ALG2: variants seen among roughly 807,000 people sequenced by gnomAD.
The protein encoded by ALG2 is alpha-1,3/1,6-mannosyltransferase ALG2.
A neutral mutation model predicts 30.5 loss-of-function variants in ALG2; 32 were observed. The ratio of observed to expected loss-of-function variants is 1.05; its 90% CI spans 0.79 to 1.41. The LOEUF is 1.41. Ranked by LOEUF, ALG2 falls within the 40% of genes most tolerant of loss-of-function variation. ALG2 has a pLI of 0.00. For synonymous variants in ALG2, 253 were observed against 224.8 expected (o/e 1.13, Z -1.12); for missense variants, 574 against 526.4 (o/e 1.09, Z -0.88).
intron 1 of ALG2, chr9:99,221,234 C>T: frequency 8.2e-7 from 1 of 1,219,764 alleles, no homozygotes. Flanking sequence ...CTAATACCAG[C>T]GTTTCTCAGA....
Position 99,221,916 on chromosome 9 carries a change from C to A in ALG2, c.-22G>T, listed in dbSNP as rs1391151571. The A allele has an allele frequency of 1.9e-6, 3 of 1,571,000 alleles. No individual in the cohort carries two copies. The highest frequency in any genetic ancestry group is 1.7e-5 in the Admixed American group (1 of 57,460). On this transcript the variant is annotated 5_prime_UTR_variant, in exon 1 of 2. Transcript: ENST00000476832. ...CCATGGCCCTGGAGCCGCAACTGCA[C>A]CCCGCACCCTGATGGGGGTCTTCTG...
In ALG2 at chr9:99,217,836, A is replaced by G; in HGVS notation, c.*98T>C. ...AAGACTCAAGTTTATTTTTTAAAAG[A>G]TCTCTTCTGCATTAGATTCTAGGTT... On this transcript the variant is annotated 3_prime_UTR_variant, in exon 2 of 2. Transcript: ENST00000476832. 1 of 1,342,514 alleles carries G rather than the reference A, an allele frequency of 7.4e-7. No homozygotes were observed. Among genetic ancestry groups the G allele is most frequent in the South Asian group, 1.2e-5 (1 of 83,962 alleles). The allele number at this position is 1,342,514 out of a possible 1,614,324, so 83.2% of individuals were successfully genotyped here. A position where few individuals can be genotyped will look rare whatever the true frequency, so the allele number is the denominator to read the frequency against.
At position 99,217,113 on chromosome 9, in the gene ALG2, A is replaced by AGAT; in HGVS notation, c.*818_*820dup. ...AGTGGCATTTGAGCCAGGCCTTGGA[A>AGAT]GATAAAAAACATTTGTGTCCTATAC... is the stretch of plus-strand genomic sequence containing the variant. On this transcript the variant is annotated 3_prime_UTR_variant, in exon 2 of 2. Coordinates refer to ENST00000476832, the MANE Select transcript of ALG2 (RefSeq NM_033087.4). 2 of 454,148 alleles carry AGAT rather than the reference A, an allele frequency of 4.4e-6. No individual in the cohort carries two copies. Among genetic ancestry groups the AGAT allele is most frequent in the Non-Finnish European group, 8.8e-6 (2 of 226,798 alleles). 28.1% of individuals were successfully genotyped at this position (454,148 alleles called of 1,614,324 possible). A position where few individuals can be genotyped will look rare whatever the true frequency, so the allele number is the denominator to read the frequency against.
rs766287162 is a variant in ALG2, at chr9:99,221,889, C to T, written c.6G>A (p.Ala2=). 2.5e-6 allele frequency: 4 copies of T among 1,586,276 alleles called. No homozygotes were observed. Among genetic ancestry groups the T allele is most frequent in the East Asian group, 2.2e-5 (1 of 44,484 alleles). The change falls in exon 1 of 2, where the codon GCG becomes GCA. Residue 2 remains alanine (A), a synonymous_variant. Coordinates refer to ENST00000476832, the MANE Select transcript of ALG2 (RefSeq NM_033087.4). ...AGTCCCGTTCCCGGCCCTGCTCCTC[C>T]GCCATGGCCCTGGAGCCGCAACTGC... M[A]EEQGRERDSV...
chr9:99,218,775 C>A lies in ALG2; in HGVS notation c.410G>T (p.Cys137Phe). The A allele has an allele frequency of 6.2e-7, 1 of 1,613,046 alleles. No homozygotes were observed. Among genetic ancestry groups the A allele is most frequent in the Non-Finnish European group, 8.5e-7 (1 of 1,180,034 alleles). Residue 137 changes from cysteine (C) to phenylalanine (F), a missense_variant, in exon 2 of 2, where the codon TGT becomes TTT. By Grantham distance (205) the Cys-to-Phe change is radical. Coordinates refer to ENST00000476832, the MANE Select transcript of ALG2 (RefSeq NM_033087.4). ...GGTGAGAAGCAGATCTGGGAAGTGA[C>A]AGTAAAATAGGATCTTCTTCCGCCG... ...ARRRKKILFY[C>F]HFPDLLLTKR...
Position 99,221,681 on chromosome 9 carries a change from CG to C in ALG2, c.213del (p.Asp73ThrfsTer40). 6.4e-7 allele frequency: 1 copy of C among 1,567,318 alleles called. No homozygotes were observed. Among genetic ancestry groups the C allele is most frequent in the Non-Finnish European group, 8.6e-7 (1 of 1,162,020 alleles). On this transcript the variant is annotated frameshift_variant, in exon 1 of 2. Transcript: ENST00000476832. LOFTEE classifies it high-confidence loss of function. ...CCCAGGCCTCGCGGCAGCCAGTCCC[CG>C]GCACAGCGCACCGGTAGCTCGCGGC... ...AESRELPVRCAGDWLPRGLGW... is the reference protein window; with the variant it reads ...AESRELPVRCXGDWLPRGLGW...
At chr9:99,221,235 G>T in intron 1 of ALG2, 2 of 1,203,514 alleles carry the variant, frequency 1.7e-6, no homozygotes, top group Non-Finnish European at 2.2e-6. Flanking sequence ...TAATACCAGC[G>T]TTTCTCAGAG....
intron 1 of ALG2, chr9:99,220,903 T>C: frequency 7.7e-7 from 1 of 1,296,844 alleles, no homozygotes; most frequent in Admixed American, 2.1e-5. Flanking sequence ...AAGTCATCTT[T>C]TTTAGGATGG....
rs367616427 is a variant in ALG2, at chr9:99,221,703, G to A, written c.192C>T (p.Arg64=). ...YDPGHCFAES[R]ELPVRCAGDW... ...CCCCGGCACAGCGCACCGGTAGCTC[G>A]CGGCTCTCGGCGAAACAGTGGCCCG... The change falls in exon 1 of 2, where the codon CGC becomes CGT. Residue 64 remains arginine (R), a synonymous_variant. Coordinates refer to ENST00000476832, the MANE Select transcript of ALG2 (RefSeq NM_033087.4). The A allele has an allele frequency of 2.3e-5, 36 of 1,587,782 alleles. No homozygotes were observed. The highest frequency in any genetic ancestry group is 2.8e-5 in the Non-Finnish European group (33 of 1,174,092).
At chr9:99,219,912 A>G (rs1408763531) in intron 1 of ALG2, among the ~76,000 whole-genome samples, 1 of 152,260 alleles carries the variant, frequency 6.6e-6, no homozygotes, top group Non-Finnish European at 1.5e-5. Context: ...TTAAAAAGAA[A>G]GCTTCCATGC....
In ALG2 at chr9:99,221,881, T is replaced by C. The variant is rs1397441505; in HGVS notation, c.14A>G (p.Gln5Arg). The part of the protein sequence containing the change: MAEE[Q>R]GRERDSVPKP... Reference sequence around the variant, plus strand: ...GGGAACCGAGTCCCGTTCCCGGCCCTGCTCCTCCGCCATGGCCCTGGAGCC... The same window carrying C: ...GGGAACCGAGTCCCGTTCCCGGCCCCGCTCCTCCGCCATGGCCCTGGAGCC... Residue 5 changes from glutamine (Q) to arginine (R), a missense_variant, in exon 1 of 2, where the codon CAG (glutamine) becomes CGG (arginine). Transcript: ENST00000476832. 2.5e-6 allele frequency: 4 copies of C among 1,588,776 alleles called. No homozygotes were observed. The highest frequency in any genetic ancestry group is 3.4e-6 in the Non-Finnish European group (4 of 1,175,026).
Position 99,221,929 on chromosome 9 carries a change from T to A in ALG2, c.-35A>T. 1 of 1,549,726 alleles carries A rather than the reference T, an allele frequency of 6.5e-7. No homozygotes were observed. Among genetic ancestry groups the A allele is most frequent in the Non-Finnish European group, 8.7e-7 (1 of 1,152,066 alleles). On this transcript the variant is annotated 5_prime_UTR_variant, in exon 1 of 2. Coordinates refer to ENST00000476832, the MANE Select transcript of ALG2 (RefSeq NM_033087.4). Reference sequence around the variant, plus strand: ...GCCGCAACTGCACCCCGCACCCTGATGGGGGTCTTCTGCGCAAGCTCCGCG... The same window carrying A: ...GCCGCAACTGCACCCCGCACCCTGAAGGGGGTCTTCTGCGCAAGCTCCGCG...
rs370004704 is a variant in ALG2, at chr9:99,218,071, C to T, written c.1114G>A (p.Ala372Thr). The change falls in exon 2 of 2, where the codon GCA (alanine) becomes ACA (threonine). Residue 372 changes from alanine to threonine, a missense_variant. Physicochemically the swap from Ala to Thr is moderately conservative, Grantham distance 58. Transcript: ENST00000476832. ...CEPDPVHFSE[A>T]IEKFIREPSL... ...GGTTCACGGATGAACTTTTCTATTG[C>T]TTCTGAGAAGTGCACCGGGTCAGGC... 6 of 1,614,076 alleles carry T rather than the reference C, an allele frequency of 3.7e-6. No individual in the cohort carries two copies. The East Asian group carries it at 8.9e-5, about 24-fold the overall frequency.
At position 99,218,089 on chromosome 9, in the gene ALG2, G is replaced by T; in HGVS notation, c.1096C>A (p.Pro366Thr). ...TCTATTGCTTCTGAGAAGTGCACCG[G>T]GTCAGGCTCACACAGAAACCCTGTG... is the stretch of plus-strand genomic sequence containing the variant. ...SVTGFLCEPD[P>T]VHFSEAIEKF... Residue 366 changes from proline (P) to threonine (T), a missense_variant, in exon 2 of 2, where the codon CCG (proline) becomes ACG (threonine). Transcript: ENST00000476832. 6.2e-7 allele frequency: 1 copy of T among 1,613,812 alleles called. No individual in the cohort carries two copies. The highest frequency in any genetic ancestry group is 8.5e-7 in the Non-Finnish European group (1 of 1,179,846).
intron 1 of ALG2, 89 bp from the exon 2 acceptor site, chr9:99,218,925 T>C (rs1282074986): frequency 7.0e-7 from 1 of 1,418,514 alleles, no homozygotes; most frequent in African/African-American, 1.4e-5. Context: ...GTCTGGCTAG[T>C]CTGTGGGCTC....
Position 99,218,725 on chromosome 9 carries a change from G to C in ALG2, c.460C>G (p.Leu154Val). 2 of 1,614,154 alleles carry C rather than the reference G, an allele frequency of 1.2e-6. No individual in the cohort carries two copies. Among genetic ancestry groups the C allele is most frequent in the Non-Finnish European group, 1.7e-6 (2 of 1,180,042 alleles). ...ATCCAGTCAATTGGGGCCCTGTATA[G>C]TCGTTTAAGAAAAGAATCTCTCTTG... ...LTKRDSFLKR[L>V]YRAPIDWIEE... Residue 154 changes from leucine (L) to valine (V), a missense_variant, in exon 2 of 2, where the codon CTA (leucine) becomes GTA (valine). Leu to Val is a conservative substitution (Grantham distance 32). Coordinates refer to ENST00000476832, the MANE Select transcript of ALG2 (RefSeq NM_033087.4).
In ALG2 at chr9:99,221,871, T is replaced by C. The variant is rs2119009071; in HGVS notation, c.24A>G (p.Glu8=). The change falls in exon 1 of 2, where the codon GAA becomes GAG. Residue 8 remains glutamate, a synonymous_variant. Transcript: ENST00000476832. Reference sequence around the variant, plus strand: ...CCGACGGCTTGGGAACCGAGTCCCGTTCCCGGCCCTGCTCCTCCGCCATGG... The same window carrying C: ...CCGACGGCTTGGGAACCGAGTCCCGCTCCCGGCCCTGCTCCTCCGCCATGG... MAEEQGR[E]RDSVPKPSVL... The C allele has an allele frequency of 1.3e-6, 2 of 1,590,414 alleles. No homozygotes were observed. Among genetic ancestry groups the C allele is most frequent in the East Asian group, 2.2e-5 (1 of 44,646 alleles).
In ALG2 at chr9:99,221,672, G is replaced by A. The variant is rs780672947; in HGVS notation, c.223C>T (p.Leu75=). The change falls in exon 1 of 2, where the codon CTG becomes TTG. Residue 75 remains leucine (L), a synonymous_variant. Coordinates refer to ENST00000476832, the MANE Select transcript of ALG2 (RefSeq NM_033087.4). ...ELPVRCAGDW[L]PRGLGWGGRG... ...CCGCCCCAGCCCAGGCCTCGCGGCA[G>A]CCAGTCCCCGGCACAGCGCACCGGT... The A allele has an allele frequency of 3.9e-6, 6 of 1,557,458 alleles. No homozygotes were observed. Among genetic ancestry groups the A allele is most frequent in the Admixed American group, 1.9e-5 (1 of 53,532 alleles).
rs551873509 is a variant in ALG2 at position 99,218,372 on chromosome 9, G to A, written c.813C>T (p.Asp271=). Residue 271 remains aspartate, a synonymous_variant, in exon 2 of 2, where the codon GAC becomes GAT. Transcript: ENST00000476832. ...GTTCCACATTCTCCAGGACTCTCTC[G>A]TCATAACCACCTGCCACGATCAGAT... is the stretch of plus-strand genomic sequence containing the variant. The part of the protein sequence containing the change: ...RVHLIVAGGY[D]ERVLENVEHY... 3.9e-5 allele frequency: 63 copies of A among 1,614,168 alleles called. 1 individual carries two copies. Among genetic ancestry groups the A allele is most frequent in the Admixed American group, 2.3e-4 (14 of 60,026 alleles).
Sources: gnomAD v4.1 joint callset for allele counts (sites outside exome capture counted in the v4.1 genomes callset) on GRCh38, gnomAD v4.1.1 for gene constraint, MANE v1.5 for transcripts, NCBI Gene and HGNC (gene_info 2026-07-23, HGNC 2026-07-21) for gene names.